UAP1: variants seen among roughly 807,000 people sequenced by gnomAD.
UAP1 encodes UDP-N-acetylhexosamine pyrophosphorylase.
Under a neutral mutation model 58.5 loss-of-function variants are expected in UAP1, and 25 were observed. That is an observed-to-expected ratio of 0.43 (90% CI 0.31 to 0.60). UAP1 has a LOEUF of 0.60. UAP1 is among the 20% of genes least tolerant of loss of function. UAP1 has a pLI of 0.11. For missense variants in UAP1, 575 were observed against 630.0 expected (o/e 0.91, Z 0.93); for synonymous variants, 208 against 213.0 (o/e 0.98, Z 0.21).
intron 9 of UAP1, among the ~76,000 whole-genome samples, chr1:162,594,536 T>A (rs1175854175): frequency 2.0e-5 from 3 of 152,320 alleles, no homozygotes; most frequent in Non-Finnish European, 4.4e-5. Flanking sequence ...ATGACTGTTG[T>A]CTCTCCTGCC....
At chr1:162,565,919 T>A (rs1653459024) in intron 1 of UAP1, 93 bp from the exon 2 acceptor site, 1 of 780,250 alleles carries the variant, frequency 1.3e-6, no homozygotes, top group African/African-American at 1.8e-5. Flanking sequence ...TTTTTTAACA[T>A]CGTTTTGAAA....
chr1:162,586,887 G>A (rs1263972384), intron 5 of UAP1, among the ~76,000 whole-genome samples: 1 of 152,120 alleles, frequency 6.6e-6, no homozygotes, highest in Non-Finnish European at 1.5e-5. Context: ...ATAAATATGG[G>A]TGGGTTTTCT....
chr1:162,575,858 A>G (rs1654148199), intron 2 of UAP1, among the ~76,000 whole-genome samples: 1 of 151,780 alleles, frequency 6.6e-6, no homozygotes, highest in Admixed American at 6.6e-5. Context: ...TAATTTTTAT[A>G]TTTTTAGTAG....
intron 9 of UAP1, among the ~76,000 whole-genome samples, chr1:162,596,017 A>G (rs958314492): frequency 3.3e-5 from 5 of 151,606 alleles, no homozygotes; most frequent in Admixed American, 1.3e-4. Context: ...AAGCCCAGCT[A>G]ATTTTTTGTA....
chr1:162,581,845 C>G (rs1654606621), intron 5 of UAP1, among the ~76,000 whole-genome samples: 1 of 152,088 alleles, frequency 6.6e-6, no homozygotes, highest in Non-Finnish European at 1.5e-5. Flanking sequence ...TTTAGACTTC[C>G]TAAGTCAGGT....
chr1:162,576,815 C>A lies in UAP1; in HGVS notation c.319C>A (p.Leu107Ile), dbSNP rs761940670. Residue 107 changes from leucine (L) to isoleucine (I), a missense_variant, in exon 3 of 11, where the codon CTT (leucine) becomes ATT (isoleucine). Transcript: ENST00000271469. The stretch of plus-strand genomic sequence containing the variant: ...TTCTCAGAATAAAGTAGCAGTTCTT[C>A]TTCTAGCTGGTGGGCAGGGGACAAG... The A allele has an allele frequency of 3.1e-6, 5 of 1,614,034 alleles. No individual in the cohort carries two copies. In the Admixed American group the frequency reaches 8.3e-5, roughly 27 times the overall value.
chr1:162,575,628 C>G (rs540237626), intron 2 of UAP1, among the ~76,000 whole-genome samples: 3 of 151,012 alleles, frequency 2.0e-5, no homozygotes, highest in African/African-American at 7.3e-5. Flanking sequence ...GATGGAGTTT[C>G]GCCATGTTGG....
chr1:162,578,339 C>T (rs953588465), intron 3 of UAP1, among the ~76,000 whole-genome samples: 9 of 152,206 alleles, frequency 5.9e-5, no homozygotes, highest in African/African-American at 1.7e-4. Flanking sequence ...GCCTCAGTTC[C>T]CTTTTGAAAG....
intron 2 of UAP1, 107 bp downstream of exon 2, chr1:162,566,455 C>G (rs1653513589): frequency 2.5e-6 from 3 of 1,182,178 alleles, no homozygotes; most frequent in Admixed American, 2.9e-5. Context: ...TACATTAAAC[C>G]AGGTGACCTA....
intron 3 of UAP1, among the ~76,000 whole-genome samples, chr1:162,577,757 A>G (rs1359718619): frequency 1.3e-5 from 2 of 151,770 alleles, no homozygotes; most frequent in African/African-American, 4.8e-5. Flanking sequence ...CATTACAGGC[A>G]CACACCACCA....
chr1:162,577,943 C>G (rs1425051188), intron 3 of UAP1, among the ~76,000 whole-genome samples: 1 of 151,644 alleles, frequency 6.6e-6, no homozygotes, highest in African/African-American at 2.4e-5. Flanking sequence ...AGACAGGGTT[C>G]TGGTCTCAAA....
At chr1:162,594,622 T>C (rs973742198) in intron 9 of UAP1, among the ~76,000 whole-genome samples, 8 of 152,216 alleles carry the variant, frequency 5.3e-5, no homozygotes, top group Admixed American at 3.3e-4. Flanking sequence ...GCAAGCTGCT[T>C]TTATATTTAA....
At chr1:162,568,299 T>C (rs1173574995) in intron 2 of UAP1, among the ~76,000 whole-genome samples, 1 of 152,186 alleles carries the variant, frequency 6.6e-6, no homozygotes, top group Admixed American at 6.5e-5. Flanking sequence ...AATTTACTGA[T>C]TTTCAAAGGG....
intron 5 of UAP1, among the ~76,000 whole-genome samples, 196 bp downstream of exon 5, chr1:162,581,655 C>T (rs367571994): frequency 3.3e-5 from 5 of 152,128 alleles, no homozygotes; most frequent in East Asian, 1.9e-4. Context: ...ATGTTGTATA[C>T]TTATCACAGG....
chr1:162,570,135 C>A (rs768869561), intron 2 of UAP1, among the ~76,000 whole-genome samples: 1 of 144,096 alleles, frequency 6.9e-6, no homozygotes, highest in African/African-American at 2.6e-5. Flanking sequence ...GTTGACAGAG[C>A]GAGACTCCGT....
At chr1:162,600,290 A>C (rs571123120), downstream of UAP1, among the ~76,000 whole-genome samples, 1 of 152,290 alleles carries the variant, frequency 6.6e-6, no homozygotes, top group South Asian at 2.1e-4. Context: ...AATTCAAAAG[A>C]ATGTAGTTTC....
At chr1:162,588,948 C>A in intron 7 of UAP1, 115 bp downstream of exon 7, 1 of 1,036,984 alleles carries the variant, frequency 9.6e-7, no homozygotes, top group Non-Finnish European at 1.3e-6. Flanking sequence ...TCTCACATGG[C>A]ATTTTGATTG....
intron 9 of UAP1, 26 bp from the exon 10 acceptor site, chr1:162,597,766 T>C (rs762680661): frequency 2.5e-6 from 4 of 1,605,198 alleles, no homozygotes; most frequent in South Asian, 1.1e-5. Flanking sequence ...GCAAAGTCTT[T>C]AACACATACT....
At chr1:162,561,985 C>G (rs1653168559) in intron 1 of UAP1, among the ~76,000 whole-genome samples, 1 of 152,362 alleles carries the variant, frequency 6.6e-6, no homozygotes, top group South Asian at 2.1e-4. Flanking sequence ...CAGTCGCACC[C>G]CATCCTCCGC....
Sources: allele counts gnomAD v4.1 joint callset (sites outside exome capture counted in the v4.1 genomes callset), GRCh38; gene constraint gnomAD v4.1.1; transcripts MANE v1.5; gene names NCBI Gene and HGNC (gene_info 2026-07-23, HGNC 2026-07-21).